The following GRID2IP variants were observed in gnomAD, a reference collection of about 807,000 sequenced individuals.
GRID2IP encodes the protein Grid2 interacting protein.
In GRID2IP, 78 loss-of-function variants were observed where a neutral mutation model predicts 114.3. The ratio of observed to expected loss-of-function variants is 0.68; its 90% confidence interval spans 0.57 to 0.82. GRID2IP has a LOEUF of 0.82. Among genes scored for constraint, GRID2IP ranks in the 40% least tolerant of loss-of-function variants. GRID2IP has a pLI of 0.00. For missense variants in GRID2IP, 1,727 were observed against 1,678.5 expected (o/e 1.03, Z -0.51); for synonymous variants, 809 against 724.0 (o/e 1.12, Z -1.89).
At chr7:6,527,108 C>G (rs961845512) in intron 2 of GRID2IP, among the ~76,000 whole-genome samples, 3 of 152,160 alleles carry the variant, frequency 2.0e-5, no homozygotes, top group African/African-American at 7.2e-5. Flanking sequence ...CCTCTCCCCC[C>G]ACTCCCTCTG....
chr7:6,533,491 T>G (rs1456574815), intron 2 of GRID2IP, among the ~76,000 whole-genome samples: 2 of 151,968 alleles, frequency 1.3e-5, no homozygotes, highest in Non-Finnish European at 2.9e-5. Flanking sequence ...CCCAAATAGC[T>G]AGGACTACAG....
intron 1 of GRID2IP, among the ~76,000 whole-genome samples, chr7:6,547,415 G>A (rs969936625): frequency 2.6e-5 from 4 of 151,702 alleles, no homozygotes; most frequent in Admixed American, 2.6e-4. Context: ...AGGTGTGGTG[G>A]TGCACACCTG....
Position 6,526,135 on chromosome 7 carries a change from G to A in GRID2IP, c.919+89C>T. 3.0e-6 allele frequency: 3 copies of A among 989,608 alleles called. No homozygotes were observed. The highest frequency in any genetic ancestry group is 1.4e-5 in the South Asian group (1 of 72,608). 61.3% of individuals were successfully genotyped at this position (989,608 alleles called of 1,614,324 possible). On this transcript the variant is annotated intron_variant, in intron 4 of 21. Coordinates refer to ENST00000457091, the MANE Select transcript of GRID2IP (RefSeq NM_001145118.2). The surrounding 1 kb of genome is among the most constrained non-coding windows in gnomAD (Gnocchi z 7.6). ...GGGGTTGCTGAGCAGGAGCCTACAT[G>A]GGGTACAATGACCCGGCAGAGCCAC...
chr7:6,542,471 T>C (rs867358349), intron 1 of GRID2IP, among the ~76,000 whole-genome samples: 7 of 152,092 alleles, frequency 4.6e-5, no homozygotes, highest in Middle Eastern at 3.4e-3. Context: ...CTGGGCAACA[T>C]AGCATGACCC....
Position 6,497,585 on chromosome 7 carries a change from C to T in GRID2IP, c.*189G>A. The T allele has an allele frequency of 1.9e-6, 1 of 530,004 alleles. No homozygotes were observed. The allele number at this position is 530,004 out of a possible 1,614,324, so 32.8% of individuals were successfully genotyped here. On this transcript the variant is annotated 3_prime_UTR_variant, in exon 22 of 22. Coordinates refer to ENST00000457091, the MANE Select transcript of GRID2IP (RefSeq NM_001145118.2). ...TGCTCCTACAGCATCTGGCTCTGGG[C>T]CTGGGGGTAGGAACAAGGGCTGGCA...
intron 1 of GRID2IP, among the ~76,000 whole-genome samples, chr7:6,545,993 G>A (rs1779882100): frequency 6.6e-6 from 1 of 152,064 alleles, no homozygotes; most frequent in Non-Finnish European, 1.5e-5. Context: ...CCTGGGGCCC[G>A]TGCTACAGTG....
chr7:6,501,468 G>A (rs901928026), intron 20 of GRID2IP, among the ~76,000 whole-genome samples: 1 of 152,250 alleles, frequency 6.6e-6, no homozygotes, highest in African/African-American at 2.4e-5. Context: ...CTGGGAGGCT[G>A]AGGCAGGCAG....
chr7:6,511,627 C>T (rs1321679328), intron 8 of GRID2IP, among the ~76,000 whole-genome samples: 1 of 152,104 alleles, frequency 6.6e-6, no homozygotes, highest in Non-Finnish European at 1.5e-5. Flanking sequence ...CCTGCCTCGG[C>T]CTCCCAAAGT....
chr7:6,513,102 T>G (rs1425976040), intron 8 of GRID2IP, among the ~76,000 whole-genome samples: 1 of 152,114 alleles, frequency 6.6e-6, no homozygotes, highest in Non-Finnish European at 1.5e-5. Flanking sequence ...CAGCCACACA[T>G]GGCACTGCAG....
At chr7:6,544,252 G>A (rs1433074281) in intron 1 of GRID2IP, among the ~76,000 whole-genome samples, 4 of 151,696 alleles carry the variant, frequency 2.6e-5, no homozygotes. Flanking sequence ...ATCAATGACT[G>A]GTAAATGCAT....
chr7:6,529,928 T>C (rs1779584788), intron 2 of GRID2IP, among the ~76,000 whole-genome samples: 1 of 145,632 alleles, frequency 6.9e-6, no homozygotes, highest in African/African-American at 2.5e-5. Flanking sequence ...GGGTCCTCTC[T>C]CCCCACCCAG....
rs1002835555 is a variant in GRID2IP, at chr7:6,512,231, C to CTT, written c.1424-1194_1424-1193dup. Among the ~76,000 whole-genome samples the CTT allele has an allele frequency of 3.8e-3, 344 of 90,198 alleles. 20 individuals are homozygous for CTT. Among genetic ancestry groups the CTT allele is most frequent in the African/African-American group, 9.3e-3 (202 of 21,716 alleles). 59.2% of individuals were successfully genotyped at this position (90,198 alleles called of 152,430 possible). ...CACACCTGCCTTTTTTTCTTTTCTT[C>CTT]TTTTTTTTTTTTTTTTTTGTGACAG... On this transcript the variant is annotated intron_variant, in intron 8 of 21. Transcript: ENST00000457091.
Position 6,522,160 on chromosome 7 carries a change from G to C in GRID2IP, c.920-203C>G, listed in dbSNP as rs570045416. 7.2e-5 allele frequency among the ~76,000 whole-genome samples: 11 copies of C among 152,192 alleles called. No individual in the cohort carries two copies. The South Asian group carries it at 2.1e-3, about 29-fold the overall frequency. On this transcript the variant is annotated intron_variant, in intron 4 of 21. Transcript: ENST00000457091. The stretch of plus-strand genomic sequence containing the variant: ...AGCCCAGGAGTTCGAGACCAGCTTG[G>C]GCAACATAGCGAGACCCCATCTCTA...
At chr7:6,498,572 CTTTTTTTTTTTT>C (rs34146767) in intron 20 of GRID2IP, among the ~76,000 whole-genome samples, 1 of 68,128 alleles carries the variant, frequency 1.5e-5, no homozygotes, top group Non-Finnish European at 2.5e-5. Flanking sequence ...CTAGGCCTTA[CTTTTTTTTTTTT>C]TTTTTTTTTT....
intron 20 of GRID2IP, among the ~76,000 whole-genome samples, chr7:6,501,182 C>T (rs1260554844): frequency 6.6e-6 from 1 of 152,060 alleles, no homozygotes; most frequent in Non-Finnish European, 1.5e-5. Flanking sequence ...GAACCCATGT[C>T]TATACTAAAA....
intron 16 of GRID2IP, 109 bp downstream of exon 16, chr7:6,503,382 G>A: frequency 8.6e-7 from 1 of 1,157,130 alleles, no homozygotes; most frequent in Non-Finnish European, 1.2e-6. Context: ...TCAGAGGCTT[G>A]GGCGCAATGG....
chr7:6,550,886 T>G, intron 1 of GRID2IP, 122 bp downstream of exon 1: 1 of 1,130,804 alleles, frequency 8.8e-7, no homozygotes, highest in Non-Finnish European at 1.1e-6. Flanking sequence ...CCCATATTTC[T>G]GTTAAATCTG....
At position 6,551,229 on chromosome 7, in the gene GRID2IP, G is replaced by T. The variant is rs544688737; in HGVS notation, c.208C>A (p.Arg70=). 9.8e-6 allele frequency: 15 copies of T among 1,526,600 alleles called. No homozygotes were observed. Among genetic ancestry groups the T allele is most frequent in the Non-Finnish European group, 1.3e-5 (15 of 1,142,758 alleles). 94.6% of individuals were successfully genotyped at this position (1,526,600 alleles called of 1,614,324 possible). ...LSRERLVRLA[R]RCPRVPPSLG... is the part of the protein sequence containing the mutation. ...CTGGGCGGCACACGTGGGCAGCGCCGTGCCAGGCGCACGAGGCGCTCGCGG... is the reference window on the plus strand; with the variant it reads ...CTGGGCGGCACACGTGGGCAGCGCCTTGCCAGGCGCACGAGGCGCTCGCGG... The change falls in exon 1 of 22, where the codon CGG becomes AGG. Residue 70 remains arginine, a synonymous_variant. Coordinates refer to ENST00000457091, the MANE Select transcript of GRID2IP (RefSeq NM_001145118.2).
At chr7:6,501,732 A>C in intron 20 of GRID2IP, 49 bp downstream of exon 20, 1 of 1,408,690 alleles carries the variant, frequency 7.1e-7, no homozygotes, top group Non-Finnish European at 9.8e-7. Flanking sequence ...GCTCTACCCA[A>C]CCACCCCAGG....
Sources: allele counts gnomAD v4.1 joint callset (sites outside exome capture counted in the v4.1 genomes callset), GRCh38; gene constraint gnomAD v4.1.1; non-coding constraint Gnocchi (gnomAD v3.1); transcripts MANE v1.5; gene names NCBI Gene and HGNC (gene_info 2026-07-23, HGNC 2026-07-21).